DENND2B: variants seen among roughly 807,000 people sequenced by gnomAD.
DENND2B encodes DENN domain containing 2B.
Under a neutral mutation model 116.0 loss-of-function variants are expected in DENND2B, and 32 were observed. The ratio of observed to expected loss-of-function variants is 0.28; its 90% CI spans 0.21 to 0.37. DENND2B has a LOEUF of 0.37. DENND2B is among the 10% of genes least tolerant of loss of function. DENND2B has a pLI of 1.00. For missense variants in DENND2B, 1,276 were observed against 1,477.7 expected, an observed-to-expected ratio of 0.86 and a Z score of 2.24; for synonymous variants, 588 against 583.9, an observed-to-expected ratio of 1.01 and a Z score of -0.10.
At chr11:8,880,598 T>C (rs2063893994) in intron 2 of DENND2B, among the ~76,000 whole-genome samples, 1 of 152,194 alleles carries the variant, frequency 6.6e-6, no homozygotes. Flanking sequence ...ATTTCTAAAA[T>C]TGACAAGCCT....
intron 11 of DENND2B, 89 bp downstream of exon 11, chr11:8,710,752 GGCAC>G (rs1437607466): frequency 7.2e-6 from 7 of 970,072 alleles, no homozygotes; most frequent in African/African-American, 2.6e-5. Context: ...ATTGCAGAAG[GGCAC>G]ACACACACAC....
intron 3 of DENND2B, among the ~76,000 whole-genome samples, chr11:8,855,027 C>A (rs140340320): frequency 7.4e-6 from 1 of 135,926 alleles, no homozygotes; most frequent in Non-Finnish European, 1.6e-5. Context: ...CATAGTGGTC[C>A]TAGCTACTCA....
In DENND2B at chr11:8,707,706, G is replaced by A; in HGVS notation, c.2430+71C>T. ...AGTCACAGGTGGTTTTCTCATCTAA[G>A]CTGGCTGCAGATACTCCTGTGGGAG... On this transcript the variant is annotated intron_variant, in intron 12 of 19. Transcript: ENST00000313726. The surrounding 1 kb of genome is among the most constrained non-coding windows in gnomAD (Gnocchi z 4.8). The A allele has an allele frequency of 5.4e-6, 8 of 1,472,252 alleles. No individual in the cohort carries two copies. Among genetic ancestry groups the A allele is most frequent in the Non-Finnish European group, 7.4e-6 (8 of 1,078,494 alleles). 91.2% of individuals were successfully genotyped at this position (1,472,252 alleles called of 1,614,324 possible). A position where few individuals can be genotyped will look rare whatever the true frequency, so the allele number is the denominator to read the frequency against.
chr11:8,700,283 C>T (rs994085854), intron 14 of DENND2B, among the ~76,000 whole-genome samples: 1 of 152,192 alleles, frequency 6.6e-6, no homozygotes, highest in African/African-American at 2.4e-5. Context: ...CTCATTCCAG[C>T]TGTTGGGCTA....
At chr11:8,809,444 G>A (rs1311869875) in intron 1 of DENND2B, 1 of 152,206 alleles carries the variant, frequency 6.6e-6, no homozygotes, top group Non-Finnish European at 1.5e-5. Context: ...AGGCCAAGAA[G>A]TGAATTTAAG....
chr11:8,886,282 G>A (rs1427253451), intron 1 of DENND2B, among the ~76,000 whole-genome samples: 4 of 152,028 alleles, frequency 2.6e-5, no homozygotes, highest in Admixed American at 2.0e-4. Context: ...TTGCTTTAAG[G>A]CTTTGCCTTT....
At chr11:8,830,129 G>C (rs948863735) in intron 4 of DENND2B, among the ~76,000 whole-genome samples, 2 of 152,078 alleles carry the variant, frequency 1.3e-5, no homozygotes, top group Admixed American at 6.5e-5. Context: ...TCGATCTACA[G>C]GAGAGATTTC....
At chr11:8,889,073 A>C (rs76298448) in intron 1 of DENND2B, among the ~76,000 whole-genome samples, 3,159 of 152,366 alleles carry the variant, frequency 0.021, 45 homozygotes, top group Middle Eastern at 0.034. Context: ...CAATTCAACC[A>C]TGGGTATATA....
chr11:8,767,132 T>A (rs1014301585), intron 1 of DENND2B, among the ~76,000 whole-genome samples: 3 of 152,056 alleles, frequency 2.0e-5, no homozygotes, highest in Non-Finnish European at 4.4e-5. Context: ...AATTAATGCG[T>A]GGGAGGTGGT....
chr11:8,789,651 G>A (rs1290527313), intron 1 of DENND2B, among the ~76,000 whole-genome samples: 4 of 152,072 alleles, frequency 2.6e-5, no homozygotes, highest in African/African-American at 9.7e-5. Context: ...GGAAGAACCT[G>A]AACAATACCC....
intron 2 of DENND2B, among the ~76,000 whole-genome samples, chr11:8,864,101 C>T (rs567902047): frequency 6.6e-5 from 10 of 152,254 alleles, no homozygotes; most frequent in Admixed American, 2.6e-4. Context: ...TGACTAGGCC[C>T]TGTTTACTCA....
intron 1 of DENND2B, among the ~76,000 whole-genome samples, chr11:8,791,995 A>C (rs989961411): frequency 3.4e-4 from 1 of 2,908 alleles, no homozygotes; most frequent in Non-Finnish European, 0.5. Flanking sequence ...ACCTGAGGTC[A>C]AGGAGTTCAA....
intron 1 of DENND2B, chr11:8,809,359 G>C (rs901406117): frequency 1.3e-5 from 2 of 152,178 alleles, no homozygotes; most frequent in South Asian, 4.1e-4. Context: ...AGTTCAAGAA[G>C]AAAAACTGAA....
chr11:8,792,102 G>A (rs2059433066), intron 1 of DENND2B, among the ~76,000 whole-genome samples: 1 of 138,264 alleles, frequency 7.2e-6, no homozygotes, highest in East Asian at 2.1e-4. Flanking sequence ...CTACTTGGGA[G>A]GCTGAGGCAG....
intron 1 of DENND2B, among the ~76,000 whole-genome samples, chr11:8,905,375 T>G (rs1259611593): frequency 2.0e-5 from 3 of 152,150 alleles, no homozygotes; most frequent in Non-Finnish European, 4.4e-5. Context: ...TACCTCATAA[T>G]GCACATAAAA....
chr11:8,801,717 CCT>C (rs2060348287), intron 1 of DENND2B, among the ~76,000 whole-genome samples: 1 of 148,388 alleles, frequency 6.7e-6, no homozygotes. Flanking sequence ...AACAAACACT[CCT>C]GAGGCTGGGT....
Position 8,790,174 on chromosome 11 carries a change from T to C in DENND2B, c.-26+20343A>G, listed in dbSNP as rs540085420. 6.3e-4 allele frequency among the ~76,000 whole-genome samples: 96 copies of C among 152,338 alleles called. 1 individual carries two copies. The highest frequency in any genetic ancestry group is 1.9e-3 in the African/African-American group (81 of 41,590). On this transcript the variant is annotated intron_variant, in intron 1 of 19. Transcript: ENST00000313726. ...TGCCCCTCCCTGCCCTGTCTCCTTATAAAGGAACTATGCCTCCTTCAAAAT... is the reference window on the plus strand; with the variant it reads ...TGCCCCTCCCTGCCCTGTCTCCTTACAAAGGAACTATGCCTCCTTCAAAAT...
At chr11:8,872,372 G>C (rs1405756070), upstream of DENND2B, among the ~76,000 whole-genome samples, 1 of 151,638 alleles carries the variant, frequency 6.6e-6, no homozygotes, top group Non-Finnish European at 1.5e-5. Flanking sequence ...TGTAATCTCA[G>C]CTACTAGGGA....
chr11:8,823,288 G>A (rs2061836282), intron 4 of DENND2B, among the ~76,000 whole-genome samples: 1 of 152,172 alleles, frequency 6.6e-6, no homozygotes, highest in Admixed American at 6.5e-5. Context: ...ACCGGCAGCT[G>A]GATGGACTGG....
Sources: gnomAD v4.1 joint callset for allele counts (sites outside exome capture counted in the v4.1 genomes callset) on GRCh38, gnomAD v4.1.1 for gene constraint, Gnocchi (gnomAD v3.1) non-coding constraint, MANE v1.5 for transcripts, NCBI Gene and HGNC (gene_info 2026-07-23, HGNC 2026-07-21) for gene names.